Variants in SGCZ observed in about 807,000 individuals in gnomAD.
The protein encoded by SGCZ is zeta-sarcoglycan.
In SGCZ, 40 loss-of-function variants were observed where a neutral mutation model predicts 41.3. The ratio of observed to expected loss-of-function variants is 0.97; its 90% CI spans 0.75 to 1.26. The LOEUF (loss-of-function observed/expected upper bound fraction) is 1.26, where lower values mean the gene tolerates loss of function less well. Ranked by LOEUF, SGCZ falls within the 50% of genes most tolerant of loss-of-function variation. The pLI, the probability that SGCZ is intolerant of heterozygous loss-of-function variation, is 0.00. For synonymous variants in SGCZ, 206 were observed against 137.5 expected, an observed-to-expected ratio of 1.50 and a Z score of -3.49; for missense variants, 552 against 369.8, an observed-to-expected ratio of 1.49 and a Z score of -4.04.
intron 1 of SGCZ, among the ~76,000 whole-genome samples, chr8:14,768,086 T>C (rs1044110376): frequency 3.3e-5 from 5 of 152,218 alleles, no homozygotes; most frequent in Non-Finnish European, 7.3e-5. Flanking sequence ...TAGTGCACTC[T>C]ATTAAGCCCT....
intron 1 of SGCZ, among the ~76,000 whole-genome samples, chr8:15,042,996 T>A (rs1462129161): frequency 1.3e-5 from 2 of 152,176 alleles, no homozygotes; most frequent in African/African-American, 4.8e-5. Context: ...CATGATTAGC[T>A]ATTTTGTTAT....
chr8:14,139,034 A>T (rs1296708403), intron 5 of SGCZ, among the ~76,000 whole-genome samples: 2 of 152,204 alleles, frequency 1.3e-5, no homozygotes, highest in Non-Finnish European at 2.9e-5. Flanking sequence ...AGGATTAAGA[A>T]ACTCATTCAA....
chr8:15,060,546 C>T (rs1288741241), intron 1 of SGCZ, among the ~76,000 whole-genome samples: 2 of 150,416 alleles, frequency 1.3e-5, no homozygotes, highest in Non-Finnish European at 3.0e-5. Flanking sequence ...GGAGGGATAG[C>T]ATTAGGAGAT....
chr8:14,550,972 C>G (rs1803788681), intron 2 of SGCZ, among the ~76,000 whole-genome samples: 1 of 151,944 alleles, frequency 6.6e-6, no homozygotes, highest in Non-Finnish European at 1.5e-5. Flanking sequence ...AATGATCACG[C>G]AAGACTTCTT....
chr8:14,201,177 T>G (rs1292846238), intron 4 of SGCZ, among the ~76,000 whole-genome samples: 1 of 152,122 alleles, frequency 6.6e-6, no homozygotes, highest in Non-Finnish European at 1.5e-5. Flanking sequence ...CAGGTAGAAA[T>G]ACAAAATTAT....
intron 1 of SGCZ, among the ~76,000 whole-genome samples, chr8:15,085,562 A>G (rs1805919166): frequency 6.6e-6 from 1 of 152,200 alleles, no homozygotes; most frequent in African/African-American, 2.4e-5. Flanking sequence ...AGTCTAACCC[A>G]GAATCTGTAG....
chr8:15,218,897 G>C (rs549431088), intron 1 of SGCZ, among the ~76,000 whole-genome samples: 7 of 152,108 alleles, frequency 4.6e-5, no homozygotes, highest in Non-Finnish European at 8.8e-5. Flanking sequence ...ACTTGCCCAA[G>C]GTCACACAGC....
At chr8:15,025,377 T>A (rs1803417378) in intron 1 of SGCZ, among the ~76,000 whole-genome samples, 2 of 152,192 alleles carry the variant, frequency 1.3e-5, no homozygotes, top group Non-Finnish European at 2.9e-5. Context: ...TTTCCTCTTT[T>A]TTAAAATAAT....
At chr8:14,516,944 G>C (rs972021320) in intron 2 of SGCZ, among the ~76,000 whole-genome samples, 2 of 152,068 alleles carry the variant, frequency 1.3e-5, no homozygotes, top group Admixed American at 1.3e-4. Flanking sequence ...TGGAGGATTT[G>C]TTAATTGCTA....
chr8:15,179,133 T>C (rs755247865), intron 1 of SGCZ, among the ~76,000 whole-genome samples: 16 of 152,250 alleles, frequency 1.1e-4, no homozygotes, highest in Non-Finnish European at 1.6e-4. Flanking sequence ...AATAGTAAAT[T>C]TTAATAGTCT....
Position 14,787,699 on chromosome 8 carries a change from A to T in SGCZ, c.40-232773T>A, listed in dbSNP as rs1455388410. Among the ~76,000 whole-genome samples, 3 of 152,206 alleles carry T rather than the reference A, an allele frequency of 2.0e-5. No individual in the cohort carries two copies. The East Asian group carries it at 5.8e-4, about 29-fold the overall frequency. Reference sequence around the variant, plus strand: ...CCATCTCTACTAAAATTACAAAATTAGCCAGGAATGGTGGCACACGCCTGT... The same window carrying T: ...CCATCTCTACTAAAATTACAAAATTTGCCAGGAATGGTGGCACACGCCTGT... On this transcript the variant is annotated intron_variant, in intron 1 of 7. Coordinates refer to ENST00000382080, the MANE Select transcript of SGCZ (RefSeq NM_139167.4).
chr8:14,171,107 G>C (rs1413342950), intron 4 of SGCZ, among the ~76,000 whole-genome samples: 6 of 146,418 alleles, frequency 4.1e-5, no homozygotes, highest in African/African-American at 1.5e-4. Context: ...AAAATGTTTT[G>C]CATTGCATCT....
intron 1 of SGCZ, among the ~76,000 whole-genome samples, chr8:14,670,650 T>C: frequency 6.6e-6 from 1 of 152,296 alleles, no homozygotes; most frequent in East Asian, 1.9e-4. Flanking sequence ...ACACAATGTA[T>C]AATATTAAGA....
chr8:14,260,097 T>C (rs933982295), intron 3 of SGCZ, among the ~76,000 whole-genome samples: 4 of 152,180 alleles, frequency 2.6e-5, no homozygotes, highest in African/African-American at 9.7e-5. Flanking sequence ...AGTTCACTCA[T>C]GATTTGGCTC....
In SGCZ at chr8:14,831,788, G is replaced by GTGGGTACACATACATGTATATA. The variant is rs1554508409; in HGVS notation, c.40-276863_40-276862insTATATACATGTATGTGTACCCA. ...TACATATATACACACACGTATATAT[G>GTGGGTACACATACATGTATATA]TGTGTACACATACATGTATATATGT... is the stretch of plus-strand genomic sequence containing the variant. On this transcript the variant is annotated intron_variant, in intron 1 of 7. Coordinates refer to ENST00000382080, the MANE Select transcript of SGCZ (RefSeq NM_139167.4). Among the ~76,000 whole-genome samples, 115 of 149,952 alleles carry GTGGGTACACATACATGTATATA rather than the reference G, an allele frequency of 7.7e-4. 1 individual carries two copies. Among genetic ancestry groups the GTGGGTACACATACATGTATATA allele is most frequent in the African/African-American group, 2.6e-3 (104 of 40,372 alleles).
At chr8:15,197,169 C>A (rs551252975) in intron 1 of SGCZ, among the ~76,000 whole-genome samples, 1 of 152,352 alleles carries the variant, frequency 6.6e-6, no homozygotes, top group East Asian at 1.9e-4. Flanking sequence ...CTACATTGTT[C>A]AATCTGCCAC....
At chr8:14,506,388 C>G (rs1802305516) in intron 2 of SGCZ, among the ~76,000 whole-genome samples, 1 of 152,056 alleles carries the variant, frequency 6.6e-6, no homozygotes, top group African/African-American at 2.4e-5. Context: ...AGCTCCAGCT[C>G]CACTATCTCT....
At chr8:14,551,108 T>C (rs1231208312) in intron 2 of SGCZ, among the ~76,000 whole-genome samples, 1 of 146,410 alleles carries the variant, frequency 6.8e-6, no homozygotes, top group African/African-American at 2.5e-5. Flanking sequence ...ATTATTTATA[T>C]TGTAATTCTT....
At chr8:14,518,064 G>C (rs1051463830) in intron 2 of SGCZ, among the ~76,000 whole-genome samples, 3 of 151,538 alleles carry the variant, frequency 2.0e-5, no homozygotes, top group Non-Finnish European at 2.9e-5. Context: ...AAGCAATAAG[G>C]TTATTGTTAA....
Sources: gnomAD v4.1 joint callset for allele counts (sites outside exome capture counted in the v4.1 genomes callset) on GRCh38, gnomAD v4.1.1 for gene constraint, MANE v1.5 for transcripts, NCBI Gene and HGNC (gene_info 2026-07-23, HGNC 2026-07-21) for gene names.